CCDC3: variants seen among roughly 807,000 people sequenced by gnomAD.
CCDC3 encodes coiled-coil domain containing 3, also known as coiled-coil domain-containing protein 3.
In CCDC3, 24 loss-of-function variants were observed where a neutral mutation model predicts 21.4. That is an observed-to-expected ratio of 1.12 (90% CI 0.81 to 1.58). The LOEUF (loss-of-function observed/expected upper bound fraction) is 1.58, where lower values mean the gene tolerates loss of function less well. Ranked by LOEUF, CCDC3 falls within the 40% of genes most tolerant of loss-of-function variation. The pLI is 0.00. For synonymous variants in CCDC3, 186 were observed against 166.0 expected, an observed-to-expected ratio of 1.12 and a Z score of -0.93; for missense variants, 425 against 360.9, an observed-to-expected ratio of 1.18 and a Z score of -1.44.
At chr10:12,992,259 G>A (rs1835693326) in intron 2 of CCDC3, among the ~76,000 whole-genome samples, 1 of 151,946 alleles carries the variant, frequency 6.6e-6, no homozygotes, top group Admixed American at 6.6e-5. Context: ...CCGTGGTGCT[G>A]GGCGCCTGTA....
rs183847325 is a variant in CCDC3 at position 12,985,388 on chromosome 10, A to G, written c.549+12950T>C. Among the ~76,000 whole-genome samples the G allele has an allele frequency of 1.2e-3, 182 of 152,384 alleles. 1 individual carries two copies. The highest frequency in any genetic ancestry group is 4.1e-3 in the African/African-American group (172 of 41,600). On this transcript the variant is annotated intron_variant, in intron 2 of 2. Coordinates refer to ENST00000378825, the MANE Select transcript of CCDC3 (RefSeq NM_031455.4). ...TTCAGGGTTTCTTTTAACACTAAAA[A>G]TAGACTTACCATACAACCCAGCAAT...
At chr10:12,944,213 T>C (rs543341090) in intron 2 of CCDC3, among the ~76,000 whole-genome samples, 60 of 152,182 alleles carry the variant, frequency 3.9e-4, no homozygotes, top group Non-Finnish European at 7.1e-4. Context: ...TTGTGTTCCA[T>C]TGAGAATCTC....
At chr10:12,981,177 ATTTTTTTTTTTTT>A (rs59193619) in intron 2 of CCDC3, among the ~76,000 whole-genome samples, 2 of 105,558 alleles carry the variant, frequency 1.9e-5, no homozygotes, top group Admixed American at 2.2e-4. Context: ...CTGGCCCAGG[ATTTTTTTTTTTTT>A]TTTTTTTTTG....
At chr10:12,986,721 C>G (rs61851358) in intron 2 of CCDC3, among the ~76,000 whole-genome samples, 1 of 150,236 alleles carries the variant, frequency 6.7e-6, no homozygotes, top group East Asian at 2.0e-4. Context: ...TGCAGTGAGC[C>G]GAGATCGTGC....
At chr10:12,999,933 T>A (rs1327445531) in intron 1 of CCDC3, among the ~76,000 whole-genome samples, 2 of 152,196 alleles carry the variant, frequency 1.3e-5, no homozygotes, top group Non-Finnish European at 2.9e-5. Flanking sequence ...TGGAAATACA[T>A]ACATATATAT....
At chr10:13,084,460 G>A (rs528046302) in intron 3 of CCDC3, among the ~76,000 whole-genome samples, 223 of 152,000 alleles carry the variant, frequency 1.5e-3, no homozygotes, top group African/African-American at 5.1e-3. Flanking sequence ...GGCTAATTTT[G>A]TATTTTTAAT....
intron 2 of CCDC3, among the ~76,000 whole-genome samples, chr10:12,957,152 C>T (rs933424331): frequency 6.6e-6 from 1 of 152,188 alleles, no homozygotes. Context: ...GGTCAGTTAG[C>T]AGGCCCAGAT....
chr10:12,956,490 C>T (rs1835088060), intron 2 of CCDC3, among the ~76,000 whole-genome samples: 1 of 152,198 alleles, frequency 6.6e-6, no homozygotes. Flanking sequence ...GTTCACCCTC[C>T]TCATGGTATT....
chr10:13,052,571 C>T (rs979155947), intron 4 of CCDC3, among the ~76,000 whole-genome samples: 2 of 152,134 alleles, frequency 1.3e-5, no homozygotes, highest in Admixed American at 6.5e-5. Flanking sequence ...CTGCACCTAT[C>T]GCTAACGATA....
intron 2 of CCDC3, among the ~76,000 whole-genome samples, chr10:12,920,870 C>A (rs1275608591): frequency 2.0e-5 from 3 of 152,194 alleles, no homozygotes; most frequent in Admixed American, 6.5e-5. Context: ...ATGCTCATAA[C>A]CTCCATGGTA....
At chr10:12,926,780 G>C (rs1469638299) in intron 2 of CCDC3, among the ~76,000 whole-genome samples, 3 of 152,074 alleles carry the variant, frequency 2.0e-5, no homozygotes, top group Non-Finnish European at 4.4e-5. Context: ...AGCTTGTAGG[G>C]CTATATTGAT....
intron 2 of CCDC3, among the ~76,000 whole-genome samples, chr10:12,979,782 A>T (rs1835467828): frequency 6.6e-6 from 1 of 152,062 alleles, no homozygotes; most frequent in South Asian, 2.1e-4. Context: ...TGACTGAGAC[A>T]CCTGCCTCAG....
intron 2 of CCDC3, chr10:13,098,710 A>ATTTTTTTTTTTTTTCTTT (rs1832667280): frequency 1.5e-5 from 1 of 64,854 alleles, no homozygotes; most frequent in African/African-American, 6.6e-5. Flanking sequence ...TCCTGCACTG[A>ATTTTTTTTTTTTTTCTTT]TTTTTTTTTT....
intron 5 of CCDC3, among the ~76,000 whole-genome samples, chr10:13,035,245 C>T (rs1006711515): frequency 4.0e-5 from 6 of 151,800 alleles, no homozygotes; most frequent in Admixed American, 2.0e-4. Flanking sequence ...TTTGCTCTAG[C>T]GTGTCTTAGG....
Position 12,998,517 on chromosome 10 carries a change from T to C in CCDC3, c.375-5A>G. ...AGGTTATAATTTTCATCCATCCTAA[T>C]GGAGGAAAAAAAGGCAGACATGTAG... is the stretch of plus-strand genomic sequence containing the variant. On this transcript the variant is annotated splice_region_variant and splice_polypyrimidine_tract_variant and intron_variant, in intron 1 of 2. Transcript: ENST00000378825. The C allele has an allele frequency of 1.9e-6, 3 of 1,612,606 alleles. No homozygotes were observed. Among genetic ancestry groups the C allele is most frequent in the African/African-American group, 1.3e-5 (1 of 74,848 alleles).
intron 1 of CCDC3, among the ~76,000 whole-genome samples, chr10:12,998,968 G>A (rs1291909311): frequency 6.6e-5 from 10 of 152,244 alleles, no homozygotes; most frequent in Non-Finnish European, 5.9e-5. Context: ...GGCTAGGTGC[G>A]GTGGCTCACA....
At chr10:12,986,700 G>A (rs184983479) in intron 2 of CCDC3, among the ~76,000 whole-genome samples, 109 of 151,700 alleles carry the variant, frequency 7.2e-4, no homozygotes, top group Middle Eastern at 3.4e-3. Context: ...CGTGACGCGG[G>A]AGGCGGAGCT....
intron 2 of CCDC3, among the ~76,000 whole-genome samples, chr10:12,977,003 G>T (rs1341644844): frequency 6.6e-6 from 1 of 152,216 alleles, no homozygotes; most frequent in Non-Finnish European, 1.5e-5. Context: ...GCCGAGTGCA[G>T]TGGCTCACGC....
chr10:12,935,205 A>G (rs1834716940), intron 2 of CCDC3, among the ~76,000 whole-genome samples: 1 of 152,062 alleles, frequency 6.6e-6, no homozygotes, highest in Non-Finnish European at 1.5e-5. Context: ...TGAGCTTTTT[A>G]TAGACAACAG....
Sources: allele counts gnomAD v4.1 joint callset (sites outside exome capture counted in the v4.1 genomes callset), GRCh38; gene constraint gnomAD v4.1.1; transcripts MANE v1.5; gene names NCBI Gene and HGNC (gene_info 2026-07-23, HGNC 2026-07-21).